DIP2C: variants seen among roughly 807,000 people sequenced by gnomAD.
DIP2C encodes the protein DIP2 acetate--CoA ligase C (putative).
In DIP2C, 33 loss-of-function variants were observed where a neutral mutation model predicts 192.4. That is an observed-to-expected ratio of 0.17 (90% CI 0.13 to 0.23). DIP2C has a LOEUF of 0.23. Ranked by LOEUF, DIP2C falls within the 10% of genes least tolerant of loss-of-function variation. The probability of loss-of-function intolerance (pLI) is 1.00; values close to 1 mark genes in which losing one functional copy is unlikely to be tolerated. For synonymous variants in DIP2C, 979 were observed against 864.1 expected, an observed-to-expected ratio of 1.13 and a Z score of -2.33; for missense variants, 1,537 against 2,110.1, an observed-to-expected ratio of 0.73 and a Z score of 5.32.
chr10:472,203 TTTAA>T (rs1311189027), intron 3 of DIP2C, among the ~76,000 whole-genome samples: 6 of 152,200 alleles, frequency 3.9e-5, no homozygotes, highest in South Asian at 2.1e-4. Flanking sequence ...TTATAATCTT[TTTAA>T]TTAATATGCA....
chr10:319,767 T>C (rs575324631), intron 31 of DIP2C, among the ~76,000 whole-genome samples: 1 of 152,372 alleles, frequency 6.6e-6, no homozygotes, highest in Non-Finnish European at 1.5e-5. Context: ...TACTGGGAAA[T>C]GTTACTCCTA....
intron 1 of DIP2C, among the ~76,000 whole-genome samples, chr10:671,389 G>T (rs1221555483): frequency 7.8e-6 from 1 of 128,048 alleles, no homozygotes; most frequent in Non-Finnish European, 1.6e-5. Context: ...ACAGACGCAC[G>T]GACGGAGGAA....
intron 17 of DIP2C, chr10:369,920 A>G: frequency 7.6e-7 from 1 of 1,313,258 alleles, no homozygotes; most frequent in Non-Finnish European, 9.8e-7. Flanking sequence ...GGCCCTGCAC[A>G]GACCAGCTCT....
At chr10:580,499 A>G (rs1258888020) in intron 1 of DIP2C, among the ~76,000 whole-genome samples, 4 of 152,182 alleles carry the variant, frequency 2.6e-5, no homozygotes, top group Non-Finnish European at 5.9e-5. Context: ...TAGTGTGGAT[A>G]TAATAGTGCC....
At chr10:559,370 T>C (rs905207132) in intron 1 of DIP2C, among the ~76,000 whole-genome samples, 10 of 149,418 alleles carry the variant, frequency 6.7e-5, no homozygotes, top group Admixed American at 5.3e-4. Flanking sequence ...AAGCTCGGTG[T>C]GTCCTACCCC....
chr10:473,237 C>T (rs1266403463), intron 2 of DIP2C, among the ~76,000 whole-genome samples: 1 of 152,216 alleles, frequency 6.6e-6, no homozygotes, highest in Non-Finnish European at 1.5e-5. Context: ...TACATTCAGG[C>T]AATAACAGGG....
chr10:363,299 G>A lies in DIP2C; in HGVS notation c.2490C>T (p.Phe830=). The A allele has an allele frequency of 6.2e-7, 1 of 1,611,356 alleles. No homozygotes were observed. Among genetic ancestry groups the A allele is most frequent in the African/African-American group, 1.3e-5 (1 of 75,010 alleles). ...KFVYRGRIAV[F]SVTVLHDERI... is the part of the protein sequence containing the mutation. ...TCTCGTCGTGCAGCACGGTCACCGA[G>A]AACACGGCTATCCTGCGGGGACACA... Residue 830 remains phenylalanine (F), a synonymous_variant, in exon 21 of 37, where the codon TTC becomes TTT. Coordinates refer to ENST00000280886, the MANE Select transcript of DIP2C (RefSeq NM_014974.3). The surrounding 1 kb of genome is among the most constrained non-coding windows in gnomAD (Gnocchi z 5.4).
Position 636,321 on chromosome 10 carries a change from A to G in DIP2C, c.85+53173T>C, listed in dbSNP as rs1854838395. On this transcript the variant is annotated intron_variant, in intron 1 of 36. Coordinates refer to ENST00000280886, the MANE Select transcript of DIP2C (RefSeq NM_014974.3). The surrounding 1 kb of genome is among the most constrained non-coding windows in gnomAD (Gnocchi z 4.6). ...ATTTTCATTATGAAAATGTTCAAAC[A>G]TATTTAAAAAGTGGAAGAACAGTAC... Among the ~76,000 whole-genome samples the G allele has an allele frequency of 6.6e-6, 1 of 152,154 alleles. No homozygotes were observed. The highest frequency in any genetic ancestry group is 1.5e-5 in the Non-Finnish European group (1 of 68,046).
chr10:308,714 G>A (rs148592947), intron 32 of DIP2C, among the ~76,000 whole-genome samples: 343 of 152,142 alleles, frequency 2.3e-3, no homozygotes, highest in African/African-American at 8.0e-3. Flanking sequence ...AGGGCCTCCT[G>A]AGGGCTCCTA....
intron 1 of DIP2C, among the ~76,000 whole-genome samples, chr10:683,484 C>T (rs1294097464): frequency 2.6e-5 from 4 of 152,040 alleles, no homozygotes; most frequent in African/African-American, 4.8e-5. Context: ...TGGAGGCGTT[C>T]GGGAAGGGAA....
intron 29 of DIP2C, among the ~76,000 whole-genome samples, chr10:334,206 C>G (rs934400769): frequency 1.4e-5 from 2 of 142,158 alleles, no homozygotes; most frequent in Admixed American, 7.7e-5. Context: ...ACTTGGGAGG[C>G]TGAGGCAGGA....
intron 10 of DIP2C, among the ~76,000 whole-genome samples, chr10:395,210 G>GAGGTTTTGAGATCTATTGCAGAGC (rs1314422710): frequency 6.6e-6 from 1 of 151,932 alleles, no homozygotes; most frequent in Non-Finnish European, 1.5e-5. Flanking sequence ...ATTGGAGGAA[G>GAGGTTTTGAGATCTATTGCAGAGC]AGGTTTTGAG....
intron 4 of DIP2C, among the ~76,000 whole-genome samples, chr10:426,972 C>T (rs1295315249): frequency 6.6e-6 from 1 of 152,084 alleles, no homozygotes; most frequent in Non-Finnish European, 1.5e-5. Context: ...CCAAAAAATC[C>T]ATAAAAATTA....
intron 1 of DIP2C, among the ~76,000 whole-genome samples, chr10:647,499 C>T (rs368221343): frequency 3.0e-4 from 24 of 80,116 alleles, no homozygotes; most frequent in African/African-American, 8.5e-4. Context: ...GGACGGTGGG[C>T]GAGAACAGGG....
At chr10:633,798 T>C (rs1393446576) in intron 1 of DIP2C, among the ~76,000 whole-genome samples, 10 of 152,252 alleles carry the variant, frequency 6.6e-5, no homozygotes, top group Admixed American at 6.5e-4. Context: ...CAGACGAGTT[T>C]TCCTGGGTTA....
chr10:332,801 G>A (rs187942558), intron 29 of DIP2C, among the ~76,000 whole-genome samples: 1 of 152,314 alleles, frequency 6.6e-6, no homozygotes, highest in East Asian at 1.9e-4. Flanking sequence ...AACAAGACAG[G>A]TTCATCTCAC....
Position 569,314 on chromosome 10 carries a change from CT to C in DIP2C, c.86-82785del, listed in dbSNP as rs1282348498. ...CTCAAGCATGCCAGGAAAAGTCACA[CT>C]TTTGAACAACCCTCAATGGAGATGC... On this transcript the variant is annotated intron_variant, in intron 1 of 36. Coordinates refer to ENST00000280886, the MANE Select transcript of DIP2C (RefSeq NM_014974.3). Among the ~76,000 whole-genome samples the C allele has an allele frequency of 4.6e-5, 7 of 152,286 alleles. No individual in the cohort carries two copies. The East Asian group carries it at 1.3e-3, about 29-fold the overall frequency.
intron 32 of DIP2C, among the ~76,000 whole-genome samples, chr10:290,090 G>A (rs961097357): frequency 1.3e-5 from 2 of 152,238 alleles, no homozygotes; most frequent in African/African-American, 2.4e-5. Flanking sequence ...AGAACAGAGA[G>A]GAGACGCTGG....
At chr10:506,268 T>G (rs1193653400) in intron 1 of DIP2C, among the ~76,000 whole-genome samples, 1 of 152,150 alleles carries the variant, frequency 6.6e-6, no homozygotes, top group East Asian at 1.9e-4. Flanking sequence ...TGCATGAAGC[T>G]AAGGCATCCA....
Sources: gnomAD v4.1 joint callset for allele counts (sites outside exome capture counted in the v4.1 genomes callset) on GRCh38, gnomAD v4.1.1 for gene constraint, Gnocchi (gnomAD v3.1) non-coding constraint, MANE v1.5 for transcripts, NCBI Gene and HGNC (gene_info 2026-07-23, HGNC 2026-07-21) for gene names.